Variants in TJP1 observed in about 807,000 individuals in gnomAD.
TJP1 encodes tight junction protein ZO-1.
Under a neutral mutation model 194.2 loss-of-function variants are expected in TJP1, and 43 were observed. The observed-to-expected ratio is 0.22, with a 90% confidence interval of 0.17 to 0.29. TJP1 has a LOEUF of 0.29. TJP1 is among the 10% of genes least tolerant of loss of function. The pLI is 1.00. For synonymous variants in TJP1, 801 were observed against 779.0 expected, an observed-to-expected ratio of 1.03 and a Z score of -0.47; for missense variants, 1,971 against 2,185.7, an observed-to-expected ratio of 0.90 and a Z score of 1.96.
At chr15:29,844,972 T>G (rs1315992832) in intron 2 of TJP1, among the ~76,000 whole-genome samples, 2 of 152,120 alleles carry the variant, frequency 1.3e-5, no homozygotes, top group Non-Finnish European at 2.9e-5. Context: ...GAGTGGACAG[T>G]AAGACAGAGT....
rs776340058 is a variant in TJP1 at position 29,726,921 on chromosome 15, A to G, written c.2171T>C (p.Ile724Thr). ...DRLNYAQWYP[I>T]VVFLNPDSKQ... ...AGAATCAGGGTTAAGAAATACAACAATTGGATACCACTGGGCATAGTTAAG... is the reference window on the plus strand; with the variant it reads ...AGAATCAGGGTTAAGAAATACAACAGTTGGATACCACTGGGCATAGTTAAG... Residue 724 changes from isoleucine to threonine, a missense_variant, in exon 17 of 28, where the codon ATT (isoleucine) becomes ACT (threonine). Transcript: ENST00000614355. 9 of 1,614,186 alleles carry G rather than the reference A, an allele frequency of 5.6e-6. No homozygotes were observed. Among genetic ancestry groups the G allele is most frequent in the Non-Finnish European group, 7.6e-6 (9 of 1,180,036 alleles).
At chr15:29,843,648 C>CATA (rs1394802110) in intron 2 of TJP1, among the ~76,000 whole-genome samples, 2 of 152,292 alleles carry the variant, frequency 1.3e-5, no homozygotes, top group Non-Finnish European at 2.9e-5. Context: ...TAGAAAAACA[C>CATA]AGACAACAAA....
intron 2 of TJP1, among the ~76,000 whole-genome samples, chr15:29,946,662 C>T (rs963421052): frequency 4.6e-5 from 7 of 152,206 alleles, no homozygotes; most frequent in African/African-American, 1.7e-4. Context: ...TTTCTGTTTC[C>T]ATTTTCAGTG....
intron 2 of TJP1, among the ~76,000 whole-genome samples, chr15:29,901,136 T>C (rs1013368911): frequency 2.0e-5 from 3 of 152,086 alleles, no homozygotes; most frequent in Non-Finnish European, 4.4e-5. Context: ...AAAAAGGTGA[T>C]AGAGAAGGGC....
chr15:29,704,363 CCA>C, intron 26 of TJP1, 58 bp from the exon 27 acceptor site: 1 of 1,524,072 alleles, frequency 6.6e-7, no homozygotes, highest in Non-Finnish European at 8.9e-7. Flanking sequence ...TTCTAGAATC[CCA>C]GTTTTCCTCA....
chr15:29,897,374 G>T (rs2053509159), intron 2 of TJP1, among the ~76,000 whole-genome samples: 1 of 152,224 alleles, frequency 6.6e-6, no homozygotes, highest in Non-Finnish European at 1.5e-5. Context: ...GATTTCAGAG[G>T]ATATATGGAA....
chr15:29,893,740 A>AT (rs1464676318), intron 2 of TJP1, among the ~76,000 whole-genome samples: 3 of 152,224 alleles, frequency 2.0e-5, no homozygotes, highest in Non-Finnish European at 4.4e-5. Flanking sequence ...GTGCAAACAT[A>AT]TTTTATATGC....
chr15:29,962,412 A>C (rs2056193420), intron 1 of TJP1, among the ~76,000 whole-genome samples: 1 of 152,240 alleles, frequency 6.6e-6, no homozygotes, highest in African/African-American at 2.4e-5. Flanking sequence ...ATAACACAGA[A>C]TCGGGCAAAA....
intron 6 of TJP1, 119 bp downstream of exon 6, chr15:29,762,216 C>G (rs561141870): frequency 1.3e-4 from 94 of 744,912 alleles, no homozygotes; most frequent in African/African-American, 1.2e-3. Flanking sequence ...CCCTCTCCCC[C>G]AAACACTGAT....
At chr15:29,932,648 G>A (rs555108651) in intron 2 of TJP1, among the ~76,000 whole-genome samples, 2 of 152,218 alleles carry the variant, frequency 1.3e-5, no homozygotes, top group African/African-American at 4.8e-5. Flanking sequence ...TGAGCGAGAA[G>A]CAGAAAATAA....
intron 2 of TJP1, among the ~76,000 whole-genome samples, chr15:29,874,057 G>T (rs16954784): frequency 6.6e-6 from 1 of 152,140 alleles, no homozygotes; most frequent in Non-Finnish European, 1.5e-5. Flanking sequence ...TACCACCCAC[G>T]GGGAGTTGCA....
intron 8 of TJP1, among the ~76,000 whole-genome samples, chr15:29,754,153 T>C (rs2045489406): frequency 6.6e-6 from 1 of 152,042 alleles, no homozygotes; most frequent in South Asian, 2.1e-4. Flanking sequence ...ACAGAGTGGA[T>C]AAAGAAAATG....
At chr15:29,735,158 A>G (rs1444580116) in intron 11 of TJP1, among the ~76,000 whole-genome samples, 2 of 151,976 alleles carry the variant, frequency 1.3e-5, no homozygotes, top group Non-Finnish European at 2.9e-5. Flanking sequence ...GACTGTGTGC[A>G]GGATTACAGG....
At chr15:29,720,139 T>C in intron 19 of TJP1, 123 bp from the exon 20 acceptor site, 1 of 1,345,880 alleles carries the variant, frequency 7.4e-7, no homozygotes, top group South Asian at 1.5e-5. Flanking sequence ...TATGACCTCA[T>C]GTCCTAAACT....
At chr15:29,720,762 G>A in intron 18 of TJP1, 54 bp from the exon 19 acceptor site, 1 of 1,366,916 alleles carries the variant, frequency 7.3e-7, no homozygotes, top group South Asian at 1.4e-5. Flanking sequence ...TTTAAGAGAT[G>A]GCCTTTATCG....
At chr15:29,905,009 C>T (rs1318894878) in intron 2 of TJP1, among the ~76,000 whole-genome samples, 1 of 152,180 alleles carries the variant, frequency 6.6e-6, no homozygotes, top group African/African-American at 2.4e-5. Context: ...GGAAGCATGG[C>T]CCTGCTACAC....
chr15:29,923,631 GTGGTTGCAGACTTGGGA>G (rs1470136933), intron 2 of TJP1, among the ~76,000 whole-genome samples: 1 of 152,198 alleles, frequency 6.6e-6, no homozygotes. Flanking sequence ...CAGTAGATTA[GTGGTTGCAGACTTGGGA>G]TGGAGGTAGT....
chr15:29,857,304 T>C (rs1049751876), intron 2 of TJP1, among the ~76,000 whole-genome samples: 2 of 152,030 alleles, frequency 1.3e-5, no homozygotes, highest in Non-Finnish European at 2.9e-5. Flanking sequence ...TTTTTTTTTT[T>C]TAAGGATGTT....
At chr15:29,838,045 A>T (rs1401906179) in intron 2 of TJP1, among the ~76,000 whole-genome samples, 1 of 152,216 alleles carries the variant, frequency 6.6e-6, no homozygotes, top group East Asian at 1.9e-4. Context: ...TTAGGTTGTT[A>T]GCATCTATAA....
Sources: gnomAD v4.1 joint callset for allele counts (sites outside exome capture counted in the v4.1 genomes callset) on GRCh38, gnomAD v4.1.1 for gene constraint, MANE v1.5 for transcripts, NCBI Gene and HGNC (gene_info 2026-07-23, HGNC 2026-07-21) for gene names.